GFRA1: variants seen among roughly 807,000 people sequenced by gnomAD.
GFRA1 encodes GDNF family receptor alpha 1, also known as GDNF family receptor alpha-1.
GFRA1 carries 16 observed loss-of-function variants against 51.6 expected under a neutral mutation model. The observed-to-expected ratio is 0.31, with a 90% confidence interval of 0.21 to 0.47. GFRA1 has a LOEUF of 0.47. Ranked by LOEUF, GFRA1 falls within the 20% of genes least tolerant of loss-of-function variation. GFRA1 has a pLI of 1.00. For missense variants in GFRA1, 530 were observed against 594.3 expected, an observed-to-expected ratio of 0.89 and a Z score of 1.13; for synonymous variants, 270 against 241.3, an observed-to-expected ratio of 1.12 and a Z score of -1.10.
intron 5 of GFRA1, among the ~76,000 whole-genome samples, chr10:116,128,724 T>A (rs1957977294): frequency 6.8e-5 from 3 of 43,978 alleles, no homozygotes; most frequent in East Asian, 6.0e-4. Flanking sequence ...AGACTCTGTC[T>A]CAAAAAAAAA....
chr10:116,109,404 G>T (rs977832735), intron 6 of GFRA1, among the ~76,000 whole-genome samples: 18 of 152,284 alleles, frequency 1.2e-4, no homozygotes, highest in African/African-American at 4.1e-4. Flanking sequence ...AAGAATGACA[G>T]AATTAGTGGG....
chr10:116,217,756 A>G (rs1450661892), intron 4 of GFRA1, among the ~76,000 whole-genome samples: 1 of 152,210 alleles, frequency 6.6e-6, no homozygotes, highest in Non-Finnish European at 1.5e-5. Flanking sequence ...CTCATCAGCA[A>G]CATGCCAGTA....
chr10:116,059,962 G>C lies in GFRA1; in HGVS notation c.*4436C>G, dbSNP rs1954723882. On this transcript the variant is annotated 3_prime_UTR_variant, in exon 11 of 11. Transcript: ENST00000355422. Reference sequence around the variant, plus strand: ...TAGAGCTATTACGATGAAGAATTGGGGAGGGCAATACTTAGGCAATAAAGA... The same window carrying C: ...TAGAGCTATTACGATGAAGAATTGGCGAGGGCAATACTTAGGCAATAAAGA... 1 of 152,194 alleles carries C rather than the reference G, an allele frequency of 6.6e-6. No homozygotes were observed. Among genetic ancestry groups the C allele is most frequent in the African/African-American group, 2.4e-5 (1 of 41,458 alleles). 9.4% of individuals were successfully genotyped at this position (152,194 alleles called of 1,614,324 possible). A position where few individuals can be genotyped will look rare whatever the true frequency, so the allele number is the denominator to read the frequency against.
chr10:116,096,633 T>C (rs772113828), intron 7 of GFRA1, 22 bp downstream of exon 7: 10 of 1,322,648 alleles, frequency 7.6e-6, no homozygotes, highest in Non-Finnish European at 9.8e-6. Context: ...TCTTCTCCCA[T>C]CCTGCTTCTC....
intron 9 of GFRA1, among the ~76,000 whole-genome samples, chr10:116,075,795 A>C (rs1321310332): frequency 1.3e-5 from 2 of 152,170 alleles, no homozygotes; most frequent in East Asian, 3.9e-4. Flanking sequence ...CCCAGGCTGG[A>C]CTGCAGTGGT....
intron 4 of GFRA1, among the ~76,000 whole-genome samples, chr10:116,266,072 G>A (rs1969634887): frequency 6.6e-6 from 1 of 152,108 alleles, no homozygotes; most frequent in African/African-American, 2.4e-5. Context: ...TTCCCAACGG[G>A]CCACTGATAA....
At chr10:116,074,572 T>G (rs1955535605) in intron 9 of GFRA1, among the ~76,000 whole-genome samples, 1 of 152,098 alleles carries the variant, frequency 6.6e-6, no homozygotes, top group African/African-American at 2.4e-5. Flanking sequence ...AGGTTTCTGC[T>G]CCTCCAAGAT....
intron 4 of GFRA1, among the ~76,000 whole-genome samples, chr10:116,237,705 G>C (rs915693641): frequency 1.3e-5 from 2 of 151,988 alleles, no homozygotes; most frequent in Non-Finnish European, 2.9e-5. Context: ...GTAGAACAAA[G>C]TTTTCAGCCA....
chr10:116,215,667 G>A (rs1050677188), intron 4 of GFRA1, among the ~76,000 whole-genome samples: 2 of 152,200 alleles, frequency 1.3e-5, no homozygotes, highest in African/African-American at 2.4e-5. Flanking sequence ...GCTCTTGCAG[G>A]AATTGGAAAT....
chr10:116,086,103 G>C (rs1260801115), intron 9 of GFRA1, among the ~76,000 whole-genome samples: 1 of 152,170 alleles, frequency 6.6e-6, no homozygotes, highest in African/African-American at 2.4e-5. Flanking sequence ...GGCTCTCCCT[G>C]GCTCAGTTGC....
At chr10:116,273,278 A>T (rs578135245), upstream of GFRA1, 2 of 145,882 alleles carry the variant, frequency 1.4e-5, no homozygotes, top group East Asian at 4.1e-4. Flanking sequence ...GGCTCACTTT[A>T]TCTGCGCTAG....
chr10:116,260,720 G>A (rs1969238105), intron 4 of GFRA1, among the ~76,000 whole-genome samples: 1 of 152,084 alleles, frequency 6.6e-6, no homozygotes, highest in Non-Finnish European at 1.5e-5. Flanking sequence ...TTCTGATATG[G>A]CGATAGACCC....
intron 5 of GFRA1, among the ~76,000 whole-genome samples, chr10:116,200,591 T>C (rs756444264): frequency 3.3e-5 from 5 of 152,180 alleles, no homozygotes; most frequent in Non-Finnish European, 7.3e-5. Context: ...GTTCTGGAGA[T>C]TGGAAGTCCA....
chr10:116,108,492 C>A (rs2133956887), intron 6 of GFRA1, among the ~76,000 whole-genome samples: 1 of 152,318 alleles, frequency 6.6e-6, no homozygotes, highest in South Asian at 2.1e-4. Context: ...AGCCCCAACC[C>A]CATTTTCTAC....
intron 8 of GFRA1, among the ~76,000 whole-genome samples, chr10:116,093,327 AACAG>A (rs1428025326): frequency 6.6e-6 from 1 of 152,214 alleles, no homozygotes; most frequent in Non-Finnish European, 1.5e-5. Context: ...GAACCTTTGG[AACAG>A]ACTCTCCGCA....
intron 5 of GFRA1, among the ~76,000 whole-genome samples, chr10:116,132,801 GGA>G (rs1412172550): frequency 6.6e-6 from 1 of 152,196 alleles, no homozygotes; most frequent in Non-Finnish European, 1.5e-5. Context: ...GGCACAGGGA[GGA>G]GAGGGGAGAA....
intron 6 of GFRA1, among the ~76,000 whole-genome samples, chr10:116,119,355 G>T (rs576111456): frequency 2.9e-4 from 44 of 152,236 alleles, no homozygotes; most frequent in African/African-American, 1.0e-3. Flanking sequence ...TATTAAAAAC[G>T]AGCCATTCAG....
In GFRA1 at chr10:116,269,558, A is replaced by G. The variant is rs745486637; in HGVS notation, c.363T>C (p.Tyr121=). 6.2e-7 allele frequency: 1 copy of G among 1,606,426 alleles called. No homozygotes were observed. Among genetic ancestry groups the G allele is most frequent in the South Asian group, 1.1e-5 (1 of 90,942 alleles). ...QGNDLLEDSP[Y]EPVNSRLSDI... is the part of the protein sequence containing the mutation. ...CTGACAATCTGCTGTTAACTGGTTC[A>G]TATGGGGAATCCTCCAGCAGATCAT... is the stretch of plus-strand genomic sequence containing the variant. The change falls in exon 4 of 11, where the codon TAT becomes TAC. Residue 121 remains tyrosine (Y), a synonymous_variant. Coordinates refer to ENST00000355422, the MANE Select transcript of GFRA1 (RefSeq NM_005264.8).
intron 5 of GFRA1, among the ~76,000 whole-genome samples, chr10:116,161,602 C>T (rs1214141634): frequency 6.6e-6 from 1 of 152,140 alleles, no homozygotes; most frequent in East Asian, 1.9e-4. Context: ...GGAGCAGTTT[C>T]CCCCATACTG....
Sources: allele counts gnomAD v4.1 joint callset (sites outside exome capture counted in the v4.1 genomes callset), GRCh38; gene constraint gnomAD v4.1.1; transcripts MANE v1.5; gene names NCBI Gene and HGNC (gene_info 2026-07-23, HGNC 2026-07-21).